Variants in PTMA observed in about 807,000 individuals in gnomAD.
PTMA encodes gene sequence 28.
PTMA carries 4 observed loss-of-function variants against 16.9 expected under a neutral mutation model. The ratio of observed to expected loss-of-function variants is 0.24; its 90% CI spans 0.12 to 0.54. The LOEUF (loss-of-function observed/expected upper bound fraction) is 0.54. PTMA is among the 20% of genes least tolerant of loss of function. The pLI is 0.95. For missense variants in PTMA, 120 were observed against 137.7 expected, an observed-to-expected ratio of 0.87 and a Z score of 0.64; for synonymous variants, 58 against 47.9, an observed-to-expected ratio of 1.21 and a Z score of -0.87.
intron 1 of PTMA, chr2:231,711,047 G>T: frequency 6.4e-6 from 2 of 314,664 alleles, no homozygotes; most frequent in South Asian, 3.8e-5. Context: ...CGGGCTGGGG[G>T]CTGTGGCGCC....
intron 4 of PTMA, 79 bp downstream of exon 4, chr2:231,712,595 G>C: frequency 6.7e-7 from 1 of 1,482,590 alleles, no homozygotes; most frequent in African/African-American, 1.4e-5. Flanking sequence ...CTCAAGCTGC[G>C]GAGGGACTGT....
chr2:231,708,799 C>T (rs774273077), intron 1 of PTMA, 48 bp downstream of exon 1: 43 of 1,587,198 alleles, frequency 2.7e-5, no homozygotes, highest in African/African-American at 1.7e-4. Context: ...CGCCGCCGCT[C>T]GGGCGGTGTT....
intron 1 of PTMA, chr2:231,709,895 C>T (rs1362384384): frequency 5.7e-6 from 2 of 350,934 alleles, no homozygotes; most frequent in Admixed American, 5.0e-5. Flanking sequence ...CTGGCGTCAT[C>T]TCTGACTCTC....
chr2:231,710,705 G>T (rs763694727), intron 1 of PTMA: 1 of 380,750 alleles, frequency 2.6e-6, no homozygotes, highest in African/African-American at 2.3e-5. Flanking sequence ...GCCGCCGCGG[G>T]GAGGCCGGGA....
intron 1 of PTMA, chr2:231,709,946 A>G (rs2048494779): frequency 1.0e-5 from 7 of 678,482 alleles, no homozygotes; most frequent in Non-Finnish European, 1.4e-5. Context: ...CGGGGCCCGG[A>G]TCTCCACAGG....
intron 1 of PTMA, chr2:231,710,630 C>G (rs1426377930): frequency 4.3e-6 from 2 of 461,326 alleles, no homozygotes; most frequent in Non-Finnish European, 8.8e-6. Flanking sequence ...ACCGGGCGCC[C>G]GGGGCCGCGC....
Position 231,710,711 on chromosome 2 carries a change from C to G in PTMA, c.46-637C>G, listed in dbSNP as rs182686882. On this transcript the variant is annotated intron_variant, in intron 1 of 4. Coordinates refer to ENST00000409115, the MANE Select transcript of PTMA (RefSeq NM_002823.5). ...GGATCCCTAGCCGCCGCGGGGAGGC[C>G]GGGAGTTGGTGGCTCCGGCGGCAGG... The G allele has an allele frequency of 6.4e-3, 2,421 of 375,716 alleles. 53 individuals are homozygous for G. The highest frequency in any genetic ancestry group is 0.051 in the African/African-American group (2,247 of 44,302). The allele number at this position is 375,716 out of a possible 1,614,324, so 23.3% of individuals were successfully genotyped here. A position where few individuals can be genotyped will look rare whatever the true frequency, so the allele number is the denominator to read the frequency against.
chr2:231,710,562 G>A, intron 1 of PTMA: 2 of 590,514 alleles, frequency 3.4e-6, no homozygotes, highest in Non-Finnish European at 2.9e-6. Flanking sequence ...AGGGGTTCCC[G>A]CAGGCCCGGA....
intron 1 of PTMA, among the ~76,000 whole-genome samples, chr2:231,710,896 G>T (rs1419874549): frequency 6.6e-6 from 1 of 152,186 alleles, no homozygotes; most frequent in Non-Finnish European, 1.5e-5. Flanking sequence ...GGCTCTCCCC[G>T]AGCGCAGGCC....
intron 1 of PTMA, among the ~76,000 whole-genome samples, chr2:231,709,339 G>A (rs538693855): frequency 2.6e-5 from 4 of 152,258 alleles, no homozygotes; most frequent in African/African-American, 9.6e-5. Flanking sequence ...CCGTCCCGGC[G>A]GAGGTGTGAC....
At chr2:231,709,882 TC>T (rs1319565506) in intron 1 of PTMA, 5 of 308,010 alleles carry the variant, frequency 1.6e-5, no homozygotes, top group Non-Finnish European at 2.9e-5. Flanking sequence ...AACCCTTGTG[TC>T]CCTGGCGTCA....
rs1442502273 is a variant in PTMA at position 231,708,533 on chromosome 2, G to A, written c.-174G>A. ...TCTGGCGCCGCGTGAGTCCCCCACT[G>A]GCTGCTCTGAAAAGCCATCTTTGCA... On this transcript the variant is annotated 5_prime_UTR_variant, in exon 1 of 5. Coordinates refer to ENST00000409115, the MANE Select transcript of PTMA (RefSeq NM_002823.5). 9.4e-6 allele frequency: 7 copies of A among 742,882 alleles called. No individual in the cohort carries two copies. The highest frequency in any genetic ancestry group is 1.8e-5 in the African/African-American group (1 of 56,658). The allele number at this position is 742,882 out of a possible 1,614,324, so 46.0% of individuals were successfully genotyped here. A position where few individuals can be genotyped will look rare whatever the true frequency, so the allele number is the denominator to read the frequency against.
intron 4 of PTMA, 110 bp from the exon 5 acceptor site, chr2:231,712,694 G>A: frequency 2.1e-6 from 3 of 1,401,980 alleles, no homozygotes; most frequent in Non-Finnish European, 2.9e-6. Context: ...GAGGCCTTGG[G>A]CTGTGGAGCT....
At chr2:231,708,937 C>T (rs974938994) in intron 1 of PTMA, among the ~76,000 whole-genome samples, 186 bp downstream of exon 1, 13 of 152,204 alleles carry the variant, frequency 8.5e-5, no homozygotes, top group African/African-American at 2.9e-4. Flanking sequence ...GCGGGAACCG[C>T]CGCGGGCAGA....
At chr2:231,709,572 C>G (rs953386102) in intron 1 of PTMA, among the ~76,000 whole-genome samples, 2 of 152,280 alleles carry the variant, frequency 1.3e-5, no homozygotes, top group Non-Finnish European at 2.9e-5. Flanking sequence ...TGCGCCGCAG[C>G]TCGGGGCGAC....
At chr2:231,709,598 G>A (rs893368305) in intron 1 of PTMA, among the ~76,000 whole-genome samples, 1 of 152,190 alleles carries the variant, frequency 6.6e-6, no homozygotes, top group African/African-American at 2.4e-5. Context: ...CCAACACGGC[G>A]GCCGCGACAG....
rs1021742174 is a variant in PTMA, at chr2:231,708,570, C to T, written c.-137C>T. On this transcript the variant is annotated 5_prime_UTR_variant, in exon 1 of 5. Coordinates refer to ENST00000409115, the MANE Select transcript of PTMA (RefSeq NM_002823.5). ...AAGCCATCTTTGCATTGTTCCTCAT[C>T]CGCCTCCTTGCTCGCCGCAGCCGCC... 22 of 1,000,976 alleles carry T rather than the reference C, an allele frequency of 2.2e-5. No individual in the cohort carries two copies. The highest frequency in any genetic ancestry group is 1.6e-4 in the African/African-American group (10 of 62,742). The allele number at this position is 1,000,976 out of a possible 1,614,324, so 62.0% of individuals were successfully genotyped here.
At position 231,710,049 on chromosome 2, in the gene PTMA, T is replaced by A. The variant is rs945412801; in HGVS notation, c.45+1298T>A. 2.0e-5 allele frequency: 24 copies of A among 1,223,324 alleles called. No homozygotes were observed. In the South Asian group the frequency reaches 7.1e-4, roughly 36 times the overall value. 75.8% of individuals were successfully genotyped at this position (1,223,324 alleles called of 1,614,324 possible). ...TGCGGGGCCTGGCTGTTCGATTTTC[T>A]CCGAAGCACCAAAAGGTGACTTCCC... is the stretch of plus-strand genomic sequence containing the variant. On this transcript the variant is annotated intron_variant, in intron 1 of 4. Transcript: ENST00000409115.
At chr2:231,709,755 G>C (rs1167156154) in intron 1 of PTMA, 2 of 155,412 alleles carry the variant, frequency 1.3e-5, no homozygotes, top group African/African-American at 4.8e-5. Context: ...TAGCGTCTCC[G>C]CCCTTGGCGG....
Sources: gnomAD v4.1 joint callset for allele counts (sites outside exome capture counted in the v4.1 genomes callset) on GRCh38, gnomAD v4.1.1 for gene constraint, MANE v1.5 for transcripts, NCBI Gene and HGNC (gene_info 2026-07-23, HGNC 2026-07-21) for gene names.